Variants in PCSK6 observed in about 807,000 individuals in gnomAD.
PCSK6 encodes the protein proprotein convertase subtilisin/kexin type 6.
PCSK6 carries 85 observed loss-of-function variants against 123.3 expected under a neutral mutation model. The ratio of observed to expected loss-of-function variants is 0.69; its 90% CI spans 0.58 to 0.83. The LOEUF is 0.83. PCSK6 is among the 40% of genes least tolerant of loss of function. The pLI is 0.00. For synonymous variants in PCSK6, 508 were observed against 516.0 expected, an observed-to-expected ratio of 0.98 and a Z score of 0.21; for missense variants, 1,191 against 1,282.3, an observed-to-expected ratio of 0.93 and a Z score of 1.09.
chr15:101,471,552 A>G (rs2057604638), intron 1 of PCSK6, among the ~76,000 whole-genome samples: 1 of 152,226 alleles, frequency 6.6e-6, no homozygotes, highest in Admixed American at 6.5e-5. Flanking sequence ...GTGCATTCCA[A>G]AGTAAACTGC....
At chr15:101,326,329 T>C (rs2040251070) in intron 16 of PCSK6, 48 bp downstream of exon 16, 1 of 1,456,000 alleles carries the variant, frequency 6.9e-7, no homozygotes. Flanking sequence ...AGGATACAAC[T>C]GGAAAGTCAC....
At chr15:101,420,388 G>A (rs758041787) in intron 6 of PCSK6, among the ~76,000 whole-genome samples, 1 of 152,008 alleles carries the variant, frequency 6.6e-6, no homozygotes, top group South Asian at 2.1e-4. Context: ...TTGAGACAGG[G>A]TCTCACTCTG....
chr15:101,305,170 C>A lies in PCSK6; in HGVS notation c.*88G>T. The A allele has an allele frequency of 8.7e-7, 1 of 1,153,342 alleles. No homozygotes were observed. The highest frequency in any genetic ancestry group is 1.3e-5 in the South Asian group (1 of 76,236). The allele number at this position is 1,153,342 out of a possible 1,614,324, so 71.4% of individuals were successfully genotyped here. The stretch of plus-strand genomic sequence containing the variant: ...AAGCTGTCAGGTGCAGGGCGCCGCT[C>A]CTGAAACAGACTCTGGCCGACAGTC... On this transcript the variant is annotated 3_prime_UTR_variant, in exon 22 of 22. Coordinates refer to ENST00000611716, the MANE Select transcript of PCSK6 (RefSeq NM_002570.5). The surrounding 1 kb of genome is among the most constrained non-coding windows in gnomAD (Gnocchi z 4.8).
intron 13 of PCSK6, among the ~76,000 whole-genome samples, chr15:101,359,843 C>G (rs946738201): frequency 6.6e-6 from 1 of 152,234 alleles, no homozygotes; most frequent in Non-Finnish European, 1.5e-5. Context: ...GCTTGAAAGG[C>G]TGACGATACT....
Position 101,398,603 on chromosome 15 carries a change from C to T in PCSK6, c.824-27G>A, listed in dbSNP as rs779932237. 117 of 1,593,410 alleles carry T rather than the reference C, an allele frequency of 7.3e-5. No individual in the cohort carries two copies. The Admixed American group carries it at 1.2e-3, about 16-fold the overall frequency. On this transcript the variant is annotated intron_variant, in intron 6 of 21. Transcript: ENST00000611716. This position sits in a 1 kb window ranked among gnomAD's most constrained non-coding sequence, Gnocchi z 4.6. ...TGAAAGCACAGAGGAGGCTCGGTGT[C>T]GGCGCCCAGGCTCCGGGCACACAGC...
intron 11 of PCSK6, among the ~76,000 whole-genome samples, chr15:101,374,471 C>T (rs1420129063): frequency 6.6e-6 from 1 of 152,194 alleles, no homozygotes; most frequent in Non-Finnish European, 1.5e-5. Context: ...TTGAAGCCCT[C>T]TCCCCAGGTT....
At chr15:101,359,111 C>T (rs932979446) in intron 13 of PCSK6, among the ~76,000 whole-genome samples, 2 of 152,200 alleles carry the variant, frequency 1.3e-5, no homozygotes, top group African/African-American at 4.8e-5. Context: ...CCTGTACTTG[C>T]TGTTTCTGGA....
At chr15:101,448,533 C>G (rs1245910072) in intron 1 of PCSK6, among the ~76,000 whole-genome samples, 2 of 152,240 alleles carry the variant, frequency 1.3e-5, no homozygotes, top group Non-Finnish European at 2.9e-5. Flanking sequence ...CTCATTACAA[C>G]AGCTGACGCT....
At chr15:101,330,351 T>G (rs2040348966) in intron 15 of PCSK6, among the ~76,000 whole-genome samples, 1 of 152,124 alleles carries the variant, frequency 6.6e-6, no homozygotes, top group Admixed American at 6.5e-5. Flanking sequence ...GCCCAAAGAG[T>G]CCAGGTGCAG....
At chr15:101,366,001 G>A (rs2041375921) in intron 13 of PCSK6, 195 bp downstream of exon 13, 1 of 516,356 alleles carries the variant, frequency 1.9e-6, no homozygotes, top group East Asian at 3.3e-5. Context: ...ACGTTTACAT[G>A]ACATCGTGGA....
chr15:101,312,727 CA>C (rs1210670915), intron 20 of PCSK6, among the ~76,000 whole-genome samples: 1 of 151,650 alleles, frequency 6.6e-6, no homozygotes, highest in Non-Finnish European at 1.5e-5. Context: ...AGCTACTCGG[CA>C]GGTTGAGGCA....
intron 6 of PCSK6, among the ~76,000 whole-genome samples, chr15:101,403,823 G>A (rs1218192460): frequency 6.6e-6 from 1 of 152,124 alleles, no homozygotes; most frequent in African/African-American, 2.4e-5. Flanking sequence ...GGGTTCAAGT[G>A]ATTCTCCTGC....
intron 6 of PCSK6, among the ~76,000 whole-genome samples, chr15:101,407,899 G>T (rs755607087): frequency 1.2e-4 from 18 of 152,182 alleles, no homozygotes; most frequent in Non-Finnish European, 2.2e-4. Flanking sequence ...ATTTAAACAG[G>T]TCTCTCTTTG....
At chr15:101,367,233 C>T (rs900855649) in intron 12 of PCSK6, among the ~76,000 whole-genome samples, 3 of 151,702 alleles carry the variant, frequency 2.0e-5, no homozygotes, top group Admixed American at 1.3e-4. Context: ...CTTCCTGCAC[C>T]CAGTGCCATC....
chr15:101,342,264 G>A (rs1323133598), intron 13 of PCSK6, among the ~76,000 whole-genome samples: 1 of 152,102 alleles, frequency 6.6e-6, no homozygotes, highest in Non-Finnish European at 1.5e-5. Flanking sequence ...AGTGGAGGGG[G>A]ATGGAATTAC....
intron 1 of PCSK6, among the ~76,000 whole-genome samples, chr15:101,485,802 T>C (rs2058006572): frequency 1.3e-5 from 2 of 152,194 alleles, no homozygotes; most frequent in South Asian, 2.1e-4. Flanking sequence ...TACTCTTCCA[T>C]ATGAATTTTA....
At chr15:101,340,878 A>G (rs1415274914) in intron 13 of PCSK6, among the ~76,000 whole-genome samples, 1 of 151,068 alleles carries the variant, frequency 6.6e-6, no homozygotes, top group African/African-American at 2.4e-5. Context: ...ATCTTCTAAC[A>G]TATCTATTGA....
intron 12 of PCSK6, among the ~76,000 whole-genome samples, chr15:101,369,784 C>T (rs886511168): frequency 1.3e-5 from 2 of 152,156 alleles, no homozygotes; most frequent in Non-Finnish European, 2.9e-5. Flanking sequence ...AATTCCCAGC[C>T]CCTGAGCGCA....
chr15:101,334,839 C>T (rs1293916632), intron 13 of PCSK6, among the ~76,000 whole-genome samples: 1 of 151,944 alleles, frequency 6.6e-6, no homozygotes, highest in African/African-American at 2.4e-5. Flanking sequence ...AAAAAGAGAG[C>T]AGGAAGAATT....
Sources: gnomAD v4.1 joint callset for allele counts (sites outside exome capture counted in the v4.1 genomes callset) on GRCh38, gnomAD v4.1.1 for gene constraint, Gnocchi (gnomAD v3.1) non-coding constraint, MANE v1.5 for transcripts, NCBI Gene and HGNC (gene_info 2026-07-23, HGNC 2026-07-21) for gene names.